Variants in FAM135B observed in about 807,000 individuals in gnomAD.
The protein encoded by FAM135B is protein FAM135B.
A neutral mutation model predicts 127.7 loss-of-function variants in FAM135B; 43 were observed. The observed-to-expected ratio is 0.34, with a 90% confidence interval of 0.26 to 0.43. The LOEUF (loss-of-function observed/expected upper bound fraction) is 0.43. Ranked by LOEUF, FAM135B falls within the 20% of genes least tolerant of loss-of-function variation. FAM135B has a pLI of 1.00. For missense variants in FAM135B, 1,558 were observed against 1,725.6 expected, an observed-to-expected ratio of 0.90 and a Z score of 1.72; for synonymous variants, 670 against 665.1, an observed-to-expected ratio of 1.01 and a Z score of -0.11.
intron 1 of FAM135B, among the ~76,000 whole-genome samples, chr8:138,377,208 T>A (rs1276140532): frequency 6.6e-6 from 1 of 152,218 alleles, no homozygotes; most frequent in Non-Finnish European, 1.5e-5. Context: ...TAACTATATA[T>A]CAGCATTTAC....
chr8:138,373,434 G>A (rs906271333), intron 1 of FAM135B, among the ~76,000 whole-genome samples: 8 of 149,992 alleles, frequency 5.3e-5, no homozygotes, highest in African/African-American at 1.7e-4. Flanking sequence ...CTGTCATCTC[G>A]TAAGCCGAGG....
At chr8:138,488,428 GA>G (rs1346728769) in intron 1 of FAM135B, among the ~76,000 whole-genome samples, 231 of 135,564 alleles carry the variant, frequency 1.7e-3, no homozygotes, top group African/African-American at 2.2e-3. Context: ...TTCTTTTGAG[GA>G]AAAAAAAAAA....
intron 3 of FAM135B, among the ~76,000 whole-genome samples, chr8:138,285,727 T>C (rs187727833): frequency 1.5e-4 from 23 of 152,346 alleles, no homozygotes; most frequent in African/African-American, 5.3e-4. Flanking sequence ...CCCAGAGTCA[T>C]GACTTTTATT....
intron 2 of FAM135B, among the ~76,000 whole-genome samples, chr8:138,364,424 G>C (rs925648532): frequency 6.6e-6 from 1 of 152,116 alleles, no homozygotes; most frequent in African/African-American, 2.4e-5. Context: ...CCACCTGAGA[G>C]GTCTAATTCA....
At chr8:138,271,509 T>C (rs188715688) in intron 3 of FAM135B, among the ~76,000 whole-genome samples, 200 of 152,304 alleles carry the variant, frequency 1.3e-3, no homozygotes, top group African/African-American at 4.6e-3. Context: ...GGATTCAGCA[T>C]TGAACACTCA....
chr8:138,207,949 C>T (rs988596410), intron 7 of FAM135B, among the ~76,000 whole-genome samples: 1 of 152,122 alleles, frequency 6.6e-6, no homozygotes, highest in African/African-American at 2.4e-5. Context: ...TATCTTTTTG[C>T]CCAAAGACAT....
At chr8:138,240,760 G>A (rs1563807879) in intron 7 of FAM135B, among the ~76,000 whole-genome samples, 2 of 152,178 alleles carry the variant, frequency 1.3e-5, no homozygotes, top group South Asian at 4.1e-4. Flanking sequence ...CTTGGAGGGT[G>A]TACAGGGAGT....
At chr8:138,197,803 C>A in intron 7 of FAM135B, 134 bp from the exon 8 acceptor site, 1 of 910,886 alleles carries the variant, frequency 1.1e-6, no homozygotes, top group South Asian at 2.0e-5. Context: ...CAGACCCCAT[C>A]CTGAGTAAAA....
At chr8:138,292,982 C>T (rs954995315) in intron 3 of FAM135B, among the ~76,000 whole-genome samples, 6 of 152,118 alleles carry the variant, frequency 3.9e-5, no homozygotes, top group Non-Finnish European at 7.4e-5. Flanking sequence ...AGAGGAATCA[C>T]ATTACCTGGC....
chr8:138,492,459 T>C (rs1815241317), intron 1 of FAM135B, among the ~76,000 whole-genome samples: 1 of 152,146 alleles, frequency 6.6e-6, no homozygotes, highest in Admixed American at 6.5e-5. Flanking sequence ...AAAATCTTTG[T>C]TGGATCTCGC....
At chr8:138,487,715 T>C (rs1815037497) in intron 1 of FAM135B, among the ~76,000 whole-genome samples, 1 of 151,996 alleles carries the variant, frequency 6.6e-6, no homozygotes, top group Non-Finnish European at 1.5e-5. Flanking sequence ...CACTTGTCAC[T>C]TGTCAGCCAG....
chr8:138,169,994 T>C (rs139725476), intron 11 of FAM135B, among the ~76,000 whole-genome samples: 1 of 152,256 alleles, frequency 6.6e-6, no homozygotes, highest in Non-Finnish European at 1.5e-5. Context: ...TCAGCGCCTA[T>C]CTCTGATTGC....
In FAM135B at chr8:138,226,184, T is replaced by TGTGTGTGTGTGTGTGTGTGTGCGCGCGC; in HGVS notation, c.669+16757_669+16758insGCGCGCGCACACACACACACACACACAC. 9.3e-4 allele frequency among the ~76,000 whole-genome samples: 129 copies of TGTGTGTGTGTGTGTGTGTGTGCGCGCGC among 139,284 alleles called. 1 individual carries two copies. Among genetic ancestry groups the TGTGTGTGTGTGTGTGTGTGTGCGCGCGC allele is most frequent in the East Asian group, 7.2e-3 (33 of 4,566 alleles). The allele number at this position is 139,284 out of a possible 152,430, so 91.4% of individuals were successfully genotyped here. ...GTGTGTGTGTGTGTGTGTGTGTGTG[T>TGTGTGTGTGTGTGTGTGTGTGCGCGCGC]GCGCGCATGTCATTTTTTTTTTCAT... On this transcript the variant is annotated intron_variant, in intron 7 of 19. Coordinates refer to ENST00000395297, the MANE Select transcript of FAM135B (RefSeq NM_015912.4).
At chr8:138,172,216 T>C (rs966213377) in intron 11 of FAM135B, among the ~76,000 whole-genome samples, 2 of 151,998 alleles carry the variant, frequency 1.3e-5, no homozygotes, top group Admixed American at 1.3e-4. Flanking sequence ...CAACTGGGAG[T>C]GAATCTTGAT....
chr8:138,136,016 G>A (rs941295739), intron 19 of FAM135B, among the ~76,000 whole-genome samples: 1 of 152,010 alleles, frequency 6.6e-6, no homozygotes, highest in African/African-American at 2.4e-5. Context: ...TTATGTAAAT[G>A]AGTTTGACTT....
chr8:138,295,102 C>CTTTTTTTTTTTTTTTT (rs527258472), intron 3 of FAM135B, among the ~76,000 whole-genome samples: 1 of 82,216 alleles, frequency 1.2e-5, no homozygotes, highest in African/African-American at 5.0e-5. Flanking sequence ...CTTGCTGGTG[C>CTTTTTTTTTTTTTTTT]TTTTTTTTTT....
At chr8:138,305,133 TC>T (rs1286224540) in intron 3 of FAM135B, among the ~76,000 whole-genome samples, 1 of 152,136 alleles carries the variant, frequency 6.6e-6, no homozygotes, top group African/African-American at 2.4e-5. Flanking sequence ...TAAATGTCGG[TC>T]CCCCGCCCTC....
At chr8:138,340,031 T>C (rs1488437483) in intron 2 of FAM135B, among the ~76,000 whole-genome samples, 3 of 152,154 alleles carry the variant, frequency 2.0e-5, no homozygotes, top group Non-Finnish European at 4.4e-5. Context: ...CCGGGATGGG[T>C]TGGGAGCTGC....
intron 1 of FAM135B, among the ~76,000 whole-genome samples, chr8:138,405,130 C>T (rs1312441864): frequency 6.6e-6 from 1 of 152,084 alleles, no homozygotes; most frequent in Non-Finnish European, 1.5e-5. Context: ...GTTGTGCTAG[C>T]AGGCTTGAAA....
Sources: allele counts gnomAD v4.1 joint callset (sites outside exome capture counted in the v4.1 genomes callset), GRCh38; gene constraint gnomAD v4.1.1; transcripts MANE v1.5; gene names NCBI Gene and HGNC (gene_info 2026-07-23, HGNC 2026-07-21).